The following LRIG2 variants were observed in gnomAD, a reference collection of about 807,000 sequenced individuals.
LRIG2 encodes leucine-rich repeats and immunoglobulin-like domains protein 2.
A neutral mutation model predicts 107.8 loss-of-function variants in LRIG2; 93 were observed. That is an observed-to-expected ratio of 0.86 (90% CI 0.73 to 1.03). The LOEUF is 1.03. Ranked by LOEUF, LRIG2 falls within the 50% of genes least tolerant of loss-of-function variation. LRIG2 has a pLI of 0.00. For missense variants in LRIG2, 1,226 were observed against 1,296.0 expected, an observed-to-expected ratio of 0.95 and a Z score of 0.83; for synonymous variants, 471 against 470.6, an observed-to-expected ratio of 1.00 and a Z score of -0.01.
At chr1:113,112,997 T>A (rs186564013) in intron 14 of LRIG2, among the ~76,000 whole-genome samples, 15 of 152,284 alleles carry the variant, frequency 9.9e-5, no homozygotes, top group African/African-American at 2.9e-4. Context: ...TAATTGAAAG[T>A]TCAAATTCCT....
At chr1:113,089,973 G>A (rs1011123002) in intron 1 of LRIG2, among the ~76,000 whole-genome samples, 7 of 151,668 alleles carry the variant, frequency 4.6e-5, no homozygotes, top group Admixed American at 1.3e-4. Flanking sequence ...GGGATTACAG[G>A]CGTGAGCCAC....
chr1:113,085,332 G>A (rs112119224), intron 1 of LRIG2, among the ~76,000 whole-genome samples: 3,854 of 152,228 alleles, frequency 0.025, 165 homozygotes, highest in African/African-American at 0.085. Flanking sequence ...TGCCCAGGCT[G>A]GAGTGCAATG....
intron 1 of LRIG2, among the ~76,000 whole-genome samples, chr1:113,080,836 GTTTTTTTTTTT>G (rs1007236694): frequency 1.2e-5 from 1 of 84,610 alleles, no homozygotes; most frequent in African/African-American, 5.0e-5. Flanking sequence ...AACACTAAAA[GTTTTTTTTTTT>G]TTTTTTTTTT....
rs781104092 is a variant in LRIG2, at chr1:113,101,387, A to G, written c.1313+899A>G. 6.6e-5 allele frequency among the ~76,000 whole-genome samples: 10 copies of G among 151,912 alleles called. 1 individual carries two copies. Among genetic ancestry groups the G allele is most frequent in the South Asian group, 6.2e-4 (3 of 4,824 alleles). Reference sequence around the variant, plus strand: ...CCGCCTGGTATTATTTTTAAACTCTATTGATTCAAATATGCAGTCAGGGGT... The same window carrying G: ...CCGCCTGGTATTATTTTTAAACTCTGTTGATTCAAATATGCAGTCAGGGGT... On this transcript the variant is annotated intron_variant, in intron 11 of 17. Coordinates refer to ENST00000361127, the MANE Select transcript of LRIG2 (RefSeq NM_014813.3).
In LRIG2 at chr1:113,131,666, T is replaced by C. The variant is rs1655704340; in HGVS notation, c.*7565T>C. 6.6e-6 allele frequency: 1 copy of C among 152,216 alleles called. No individual in the cohort carries two copies. 9.4% of individuals were successfully genotyped at this position (152,216 alleles called of 1,614,324 possible). ...CCAACATCAGTTAGCCTTGATTTTC[T>C]TTCTTTTTTGGACAATTGTCTGGTT... On this transcript the variant is annotated 3_prime_UTR_variant, in exon 18 of 18. Transcript: ENST00000361127.
At chr1:113,089,057 C>T (rs1434843485) in intron 1 of LRIG2, among the ~76,000 whole-genome samples, 1 of 152,188 alleles carries the variant, frequency 6.6e-6, no homozygotes, top group African/African-American at 2.4e-5. Flanking sequence ...GTAAATTAAG[C>T]TCTTAAATGA....
intron 2 of LRIG2, among the ~76,000 whole-genome samples, chr1:113,091,647 C>T (rs115261566): frequency 0.011 from 1,672 of 152,266 alleles, 38 homozygotes; most frequent in African/African-American, 0.038. Flanking sequence ...TACGCCTCTT[C>T]AGAGTAAATG....
chr1:113,121,481 C>T (rs1238262798), intron 17 of LRIG2, among the ~76,000 whole-genome samples: 10 of 151,910 alleles, frequency 6.6e-5, no homozygotes, highest in South Asian at 2.1e-4. Flanking sequence ...TGGTGGCTCA[C>T]GCCTGTAATC....
Position 113,094,463 on chromosome 1 carries a change from C to G in LRIG2, c.640C>G (p.Leu214Val). 1 of 1,610,200 alleles carries G rather than the reference C, an allele frequency of 6.2e-7. No homozygotes were observed. The highest frequency in any genetic ancestry group is 2.2e-5 in the East Asian group (1 of 44,852). ...MSMIPPKIFK[L>V]PHLQFLELKR... ...CATGATTCCACCTAAGATCTTCAAG[C>G]TGCCTCACCTCCAATTCTTGTGAGT... The change falls in exon 5 of 18, where the codon CTG becomes GTG. Residue 214 changes from leucine to valine, a missense_variant. By Grantham distance (32) the Leu-to-Val change is conservative. This residue lies in a region of LRIG2 where 570 missense variants were observed against 550.2 expected (regional missense o/e 1.04). Coordinates refer to ENST00000361127, the MANE Select transcript of LRIG2 (RefSeq NM_014813.3).
chr1:113,094,351 T>C lies in LRIG2; in HGVS notation c.528T>C (p.Asn176=). 6 of 1,601,620 alleles carry C rather than the reference T, an allele frequency of 3.7e-6. No individual in the cohort carries two copies. Among genetic ancestry groups the C allele is most frequent in the Non-Finnish European group, 4.2e-6 (5 of 1,176,870 alleles). ...TTGTTTATTTTAGGAATTTAAGTAA[T>C]AACAGAATAACCACCTTGGAGGCTG... ...RMQLKYLNLS[N]NRITTLEAGC... The change falls in exon 5 of 18, where the codon AAT becomes AAC. Residue 176 remains asparagine, a synonymous_variant. Coordinates refer to ENST00000361127, the MANE Select transcript of LRIG2 (RefSeq NM_014813.3).
intron 1 of LRIG2, among the ~76,000 whole-genome samples, chr1:113,084,629 C>T (rs61818194): frequency 1.2e-3 from 184 of 152,244 alleles, no homozygotes; most frequent in African/African-American, 4.2e-3. Context: ...CCAATTAAAA[C>T]AAAATCAGCA....
At position 113,073,300 on chromosome 1, in the gene LRIG2, G is replaced by T; in HGVS notation, c.-107G>T. 1 of 907,670 alleles carries T rather than the reference G, an allele frequency of 1.1e-6. No homozygotes were observed. Among genetic ancestry groups the T allele is most frequent in the African/African-American group, 1.6e-5 (1 of 60,640 alleles). 56.2% of individuals were successfully genotyped at this position (907,670 alleles called of 1,614,324 possible). ...TTTAGATGGTACAGCCTTCAGCCGG[G>T]GCTTCGGGAGACAGTGCAGCCACCG... On this transcript the variant is annotated 5_prime_UTR_variant, in exon 1 of 18. Coordinates refer to ENST00000361127, the MANE Select transcript of LRIG2 (RefSeq NM_014813.3).
intron 13 of LRIG2, 68 bp downstream of exon 13, chr1:113,110,630 T>G (rs1421920792): frequency 9.5e-6 from 11 of 1,155,990 alleles, no homozygotes; most frequent in Non-Finnish European, 9.9e-6. Context: ...TTGAATCACT[T>G]GAGAGAATTA....
chr1:113,114,781 T>C lies in LRIG2; in HGVS notation c.2435T>C (p.Val812Ala). ...ACCACAGTTGGCATTGTCATCATTG[T>C]TGTGGTCTGCTGTGTTGTTGGCACT... Reference protein sequence around the residue: ...GWTTVGIVIIVVVCCVVGTSL... With the variant: ...GWTTVGIVIIAVVCCVVGTSL... Residue 812 changes from valine (V) to alanine (A), a missense_variant, in exon 15 of 18, where the codon GTT (valine) becomes GCT (alanine). Around this residue, in one of 3 missense-constraint regions of LRIG2, gnomAD observed 642 missense variants for 712.2 expected, o/e 0.90. Coordinates refer to ENST00000361127, the MANE Select transcript of LRIG2 (RefSeq NM_014813.3). 6.2e-7 allele frequency: 1 copy of C among 1,614,216 alleles called. No individual in the cohort carries two copies. The highest frequency in any genetic ancestry group is 8.5e-7 in the Non-Finnish European group (1 of 1,180,036).
intron 16 of LRIG2, 62 bp from the exon 17 acceptor site, chr1:113,119,171 G>T: frequency 6.6e-7 from 1 of 1,510,964 alleles, no homozygotes; most frequent in South Asian, 1.2e-5. Context: ...GAAGAAAACT[G>T]ACGATTGGCA....
At chr1:113,085,847 G>A (rs959443853) in intron 1 of LRIG2, among the ~76,000 whole-genome samples, 4 of 152,150 alleles carry the variant, frequency 2.6e-5, no homozygotes, top group Non-Finnish European at 5.9e-5. Flanking sequence ...GTGTAAAGCT[G>A]TTAGTTGTAG....
Position 113,119,450 on chromosome 1 carries a change from A to T in LRIG2, c.2898A>T (p.Arg966Ser). The change falls in exon 17 of 18, where the codon AGA (arginine) becomes AGT (serine). Residue 966 changes from arginine (R) to serine (S), a missense_variant. Arg to Ser is a moderately radical substitution (Grantham distance 110). Transcript: ENST00000361127. ...AGAGCCTGATACCGTCAGCCAACAGAGAGCCATCTGCCTTTCCCACCAACC... is the reference window on the plus strand; with the variant it reads ...AGAGCCTGATACCGTCAGCCAACAGTGAGCCATCTGCCTTTCCCACCAACC... ...ALESLIPSAN[R>S]EPSAFPTNHE... 6.2e-7 allele frequency: 1 copy of T among 1,614,200 alleles called. No individual in the cohort carries two copies.
intron 6 of LRIG2, among the ~76,000 whole-genome samples, chr1:113,095,270 C>CA (rs1259821184): frequency 6.6e-6 from 1 of 150,530 alleles, no homozygotes; most frequent in Non-Finnish European, 1.5e-5. Context: ...CGTGCCCGGC[C>CA]AAAAAGTTTA....
At chr1:113,088,376 C>A (rs1007755499) in intron 1 of LRIG2, among the ~76,000 whole-genome samples, 2 of 152,116 alleles carry the variant, frequency 1.3e-5, no homozygotes, top group African/African-American at 4.8e-5. Context: ...TTCACTAATA[C>A]CAAATACTAA....
Sources: gnomAD v4.1 joint callset for allele counts (sites outside exome capture counted in the v4.1 genomes callset) on GRCh38, gnomAD v4.1.1 for gene constraint, gnomAD v4.1.1 regional missense constraint, MANE v1.5 for transcripts, NCBI Gene and HGNC (gene_info 2026-07-23, HGNC 2026-07-21) for gene names.